SPATA7: variants seen among roughly 807,000 people sequenced by gnomAD.
SPATA7 encodes spermatogenesis associated 7.
SPATA7 carries 43 observed loss-of-function variants against 51.8 expected under a neutral mutation model. The observed-to-expected ratio is 0.83, with a 90% CI of 0.65 to 1.07. The LOEUF is 1.07. Among genes scored for constraint, SPATA7 ranks in the 50% least tolerant of loss-of-function variants. The probability of loss-of-function intolerance (pLI) is 0.00; values close to 1 mark genes in which losing one functional copy is unlikely to be tolerated. For missense variants in SPATA7, 683 were observed against 701.3 expected (o/e 0.97, Z 0.30); for synonymous variants, 230 against 252.8 (o/e 0.91, Z 0.86).
At position 88,393,385 on chromosome 14, in the gene SPATA7, A is replaced by C; in HGVS notation, c.95-8A>C. 6.4e-7 allele frequency: 1 copy of C among 1,557,000 alleles called. No homozygotes were observed. Among genetic ancestry groups the C allele is most frequent in the East Asian group, 2.3e-5 (1 of 42,570 alleles). On this transcript the variant is annotated splice_region_variant and splice_polypyrimidine_tract_variant and intron_variant, in intron 2 of 11. Coordinates refer to ENST00000393545, the MANE Select transcript of SPATA7 (RefSeq NM_018418.5). ...TTAAATATATAATGATTATGTTTTA[A>C]TTTTTAGCTTTTTGCACTGACTCCT...
At chr14:88,393,298 C>A in intron 2 of SPATA7, 95 bp from the exon 3 acceptor site, 1 of 874,074 alleles carries the variant, frequency 1.1e-6, no homozygotes. Flanking sequence ...AATTTCAGAA[C>A]ATTTTATAAG....
downstream of SPATA7, among the ~76,000 whole-genome samples, chr14:88,458,236 C>T (rs2077297071): frequency 6.6e-6 from 1 of 152,118 alleles, no homozygotes; most frequent in Non-Finnish European, 1.5e-5. Context: ...ATGATGCTGG[C>T]CTCATAAAAT....
At chr14:88,433,523 C>T (rs2140015732) in intron 10 of SPATA7, among the ~76,000 whole-genome samples, 1 of 152,034 alleles carries the variant, frequency 6.6e-6, no homozygotes, top group Non-Finnish European at 1.5e-5. Context: ...CTCCATAATC[C>T]CATTTTACTA....
chr14:88,435,643 T>C (rs2077065497), intron 10 of SPATA7, among the ~76,000 whole-genome samples: 1 of 152,186 alleles, frequency 6.6e-6, no homozygotes, highest in Admixed American at 6.5e-5. Context: ...TCAATTGTTT[T>C]GATTTTTAGA....
chr14:88,416,637 T>C, intron 4 of SPATA7, 74 bp from the exon 5 acceptor site: 1 of 1,386,498 alleles, frequency 7.2e-7, no homozygotes, highest in Admixed American at 1.8e-5. Flanking sequence ...ATGTTCCATT[T>C]ATTACTCTAA....
intron 4 of SPATA7, among the ~76,000 whole-genome samples, chr14:88,407,747 C>A (rs2076235847): frequency 6.6e-6 from 1 of 152,134 alleles, no homozygotes; most frequent in Non-Finnish European, 1.5e-5. Context: ...TTAGGTCTTA[C>A]ATTTAAGTCT....
chr14:88,391,667 G>C (rs1160229165), intron 2 of SPATA7: 2 of 620,442 alleles, frequency 3.2e-6, no homozygotes, highest in South Asian at 3.1e-5. Context: ...ATGTGGACTT[G>C]GCTGTCTCCT....
rs56939821 is a variant in SPATA7, at chr14:88,393,299, A to T, written c.95-94A>T. On this transcript the variant is annotated intron_variant, in intron 2 of 11. Coordinates refer to ENST00000393545, the MANE Select transcript of SPATA7 (RefSeq NM_018418.5). ...AATATCTCTGGTTGAATTTCAGAAC[A>T]TTTTATAAGAATGAGTTAAATAATC... 2,474 of 886,786 alleles carry T rather than the reference A, an allele frequency of 2.8e-3. 27 individuals are homozygous for T. In the African/African-American group the frequency reaches 0.038, roughly 14 times the overall value. The allele number at this position is 886,786 out of a possible 1,614,324, so 54.9% of individuals were successfully genotyped here. A position where few individuals can be genotyped will look rare whatever the true frequency, so the allele number is the denominator to read the frequency against.
intron 4 of SPATA7, chr14:88,415,292 C>T (rs745331861): frequency 6.4e-5 from 20 of 314,928 alleles, no homozygotes; most frequent in African/African-American, 1.5e-4. Flanking sequence ...TTGAATCCTT[C>T]GTCATTATGT....
At chr14:88,434,689 A>G (rs1323172954) in intron 10 of SPATA7, among the ~76,000 whole-genome samples, 1 of 144,988 alleles carries the variant, frequency 6.9e-6, no homozygotes, top group Non-Finnish European at 1.5e-5. Flanking sequence ...CTGTCTCAGA[A>G]AAAAAAAAAA....
At chr14:88,451,526 C>CT (rs58581785) in intron 3 of SPATA7, among the ~76,000 whole-genome samples, 22,377 of 141,170 alleles carry the variant, frequency 0.16, 1,787 homozygotes, top group East Asian at 0.3. Context: ...TATCCTATAT[C>CT]TTTTTTTTTT....
chr14:88,430,544 G>C (rs977961771), intron 8 of SPATA7, among the ~76,000 whole-genome samples: 5 of 152,028 alleles, frequency 3.3e-5, no homozygotes, highest in Non-Finnish European at 5.9e-5. Context: ...AATTTATCAT[G>C]ATGACCACCT....
intron 3 of SPATA7, among the ~76,000 whole-genome samples, chr14:88,449,712 T>C (rs2077238252): frequency 6.6e-6 from 1 of 152,190 alleles, no homozygotes; most frequent in African/African-American, 2.4e-5. Context: ...AACATCTATC[T>C]CATTTTTTTG....
At chr14:88,461,461 C>T (rs2077317127) in intron 4 of SPATA7, among the ~76,000 whole-genome samples, 1 of 152,192 alleles carries the variant, frequency 6.6e-6, no homozygotes, top group Admixed American at 6.5e-5. Flanking sequence ...TCTCAGACCG[C>T]TGTGCTAGCA....
chr14:88,403,923 C>A (rs2076137772), intron 4 of SPATA7, among the ~76,000 whole-genome samples: 1 of 152,070 alleles, frequency 6.6e-6, no homozygotes, highest in African/African-American at 2.4e-5. Flanking sequence ...GAAAAAGTAG[C>A]AACTATGTTA....
chr14:88,437,844 A>C lies in SPATA7; in HGVS notation c.1222A>C (p.Met408Leu), dbSNP rs1446130219. The change falls in exon 12 of 12, where the codon ATG becomes CTG. Residue 408 changes from methionine (M) to leucine (L), a missense_variant. Coordinates refer to ENST00000393545, the MANE Select transcript of SPATA7 (RefSeq NM_018418.5). ...KQNKHLEEEK[M>L]RHLLHVLKVD... ...CATCTTTTCTTAATCCTAGGAAAAA[A>C]TGCGCCACCTGCTGCATGTCCTGAA... 1 of 1,588,226 alleles carries C rather than the reference A, an allele frequency of 6.3e-7. No homozygotes were observed. The highest frequency in any genetic ancestry group is 8.5e-7 in the Non-Finnish European group (1 of 1,171,802).
At chr14:88,417,050 G>A (rs897047126) in intron 5 of SPATA7, among the ~76,000 whole-genome samples, 2 of 152,096 alleles carry the variant, frequency 1.3e-5, no homozygotes, top group African/African-American at 4.8e-5. Flanking sequence ...AAATAAATGA[G>A]TATAGCCGTG....
intron 4 of SPATA7, among the ~76,000 whole-genome samples, chr14:88,404,529 C>G (rs895977808): frequency 6.6e-6 from 1 of 152,078 alleles, no homozygotes; most frequent in African/African-American, 2.4e-5. Context: ...CCAGCCTGGC[C>G]AACATAATGA....
chr14:88,461,436 C>T (rs2077316942), intron 4 of SPATA7, among the ~76,000 whole-genome samples: 1 of 152,172 alleles, frequency 6.6e-6, no homozygotes, highest in African/African-American at 2.4e-5. Context: ...GCCTCGCTGC[C>T]ATCTTGCAGA....
Sources: gnomAD v4.1 joint callset for allele counts (sites outside exome capture counted in the v4.1 genomes callset) on GRCh38, gnomAD v4.1.1 for gene constraint, MANE v1.5 for transcripts, NCBI Gene and HGNC (gene_info 2026-07-23, HGNC 2026-07-21) for gene names.